Variants in HEATR4 observed in about 807,000 individuals in gnomAD.
The protein encoded by HEATR4 is HEAT repeat-containing protein 4.
In HEATR4, 95 loss-of-function variants were observed where a neutral mutation model predicts 108.8. The observed-to-expected ratio is 0.87, with a 90% confidence interval of 0.74 to 1.04. The LOEUF (loss-of-function observed/expected upper bound fraction) is 1.04, where lower values mean the gene tolerates loss of function less well. Ranked by LOEUF, HEATR4 falls within the 50% of genes least tolerant of loss-of-function variation. HEATR4 has a pLI of 0.00. For synonymous variants in HEATR4, 443 were observed against 459.4 expected (o/e 0.96, Z 0.46); for missense variants, 1,152 against 1,253.8 (o/e 0.92, Z 1.23).
the HEATR4 span, among the ~76,000 whole-genome samples, chr14:73,621,194 CAA>C: frequency 9.3e-5 from 14 of 150,918 alleles, no homozygotes; most frequent in African/African-American, 3.4e-4. Context: ...GCCTGGGCAA[CAA>C]GAGCAAAACT....
chr14:73,578,481 G>C, the HEATR4 span, among the ~76,000 whole-genome samples: 1 of 151,916 alleles, frequency 6.6e-6, no homozygotes, highest in African/African-American at 2.4e-5. Context: ...TGTCCATCTT[G>C]GCGTACCACA....
At chr14:73,605,874 G>T in the HEATR4 span, among the ~76,000 whole-genome samples, 1 of 151,872 alleles carries the variant, frequency 6.6e-6, no homozygotes, top group East Asian at 1.9e-4. Context: ...CCTGGCTGGG[G>T]GCTACAAGAT....
At chr14:73,568,318 C>A in the HEATR4 span, among the ~76,000 whole-genome samples, 1 of 150,396 alleles carries the variant, frequency 6.6e-6, no homozygotes, top group African/African-American at 2.4e-5. Context: ...AAATCAGGTA[C>A]AAGGGCTTGG....
At position 73,514,030 on chromosome 14, in the gene HEATR4, C is replaced by T; in HGVS notation, c.1414+1G>A. The T allele has an allele frequency of 3.7e-6, 6 of 1,614,132 alleles. No homozygotes were observed. The highest frequency in any genetic ancestry group is 5.1e-6 in the Non-Finnish European group (6 of 1,179,966). Reference sequence around the variant, plus strand: ...GTATCACAGGACCTCCCTTCACTCACTCAGAGCCCAGGCAGTCTTCCATTC... The same window carrying T: ...GTATCACAGGACCTCCCTTCACTCATTCAGAGCCCAGGCAGTCTTCCATTC... On this transcript the variant is annotated splice_donor_variant, in intron 6 of 17. Coordinates refer to ENST00000553558, the MANE Select transcript of HEATR4 (RefSeq NM_001220484.1). LOFTEE classifies it high-confidence loss of function.
upstream of HEATR4, among the ~76,000 whole-genome samples, chr14:73,562,160 G>A (rs1238199995): frequency 1.3e-5 from 2 of 152,030 alleles, no homozygotes; most frequent in African/African-American, 4.8e-5. Context: ...GCTGGTGGCA[G>A]TGGGGAATAA....
At chr14:73,557,068 C>T (rs1245754387) in intron 1 of HEATR4, among the ~76,000 whole-genome samples, 7 of 113,592 alleles carry the variant, frequency 6.2e-5, no homozygotes, top group South Asian at 2.8e-4. Flanking sequence ...GTGGCAGGTC[C>T]GGGGTCCTTT....
chr14:73,499,248 A>G, intron 12 of HEATR4, 108 bp from the exon 13 acceptor site: 2 of 900,242 alleles, frequency 2.2e-6, no homozygotes, highest in Non-Finnish European at 1.9e-6. Flanking sequence ...TGGGATGCCA[A>G]GGTGGGCGGA....
intron 4 of HEATR4, 30 bp from the exon 5 acceptor site, chr14:73,519,193 C>G: frequency 6.3e-7 from 1 of 1,588,220 alleles, no homozygotes; most frequent in Non-Finnish European, 8.6e-7. Context: ...CAATGAGTCC[C>G]CTATAACCTC....
chr14:73,523,685 A>G lies in HEATR4; in HGVS notation c.-72-461T>C, dbSNP rs1396311445. 4.6e-5 allele frequency among the ~76,000 whole-genome samples: 7 copies of G among 152,062 alleles called. No individual in the cohort carries two copies. In the South Asian group the frequency reaches 1.2e-3, roughly 27 times the overall value. On this transcript the variant is annotated intron_variant, in intron 2 of 17. Transcript: ENST00000553558. Reference sequence around the variant, plus strand: ...TGAGTATCCTCTCTCCACATAATGAAGCTTCCTTCTGTGTCCTCTACATGA... The same window carrying G: ...TGAGTATCCTCTCTCCACATAATGAGGCTTCCTTCTGTGTCCTCTACATGA...
chr14:73,523,861 T>G lies in HEATR4; in HGVS notation c.-72-637A>C, dbSNP rs1263395729. The stretch of plus-strand genomic sequence containing the variant: ...TGGTCTGTACCACTTACTTTAACTG[T>G]TAATCCTATGATACCTCGCATTGTT... On this transcript the variant is annotated intron_variant, in intron 2 of 17. Transcript: ENST00000553558. 3.9e-5 allele frequency among the ~76,000 whole-genome samples: 6 copies of G among 152,346 alleles called. No individual in the cohort carries two copies. In the East Asian group the frequency reaches 1.2e-3, roughly 29 times the overall value.
At chr14:73,584,817 G>C in the HEATR4 span, among the ~76,000 whole-genome samples, 261 of 149,038 alleles carry the variant, frequency 1.8e-3, 7 homozygotes, top group East Asian at 0.047. Context: ...ACAATCCCCT[G>C]TGCCGACACA....
Position 73,492,079 on chromosome 14 carries a change from G to A in HEATR4, c.2844+987C>T, listed in dbSNP as rs1885802047. The A allele has an allele frequency of 6.2e-7, 1 of 1,613,964 alleles. No individual in the cohort carries two copies. On this transcript the variant is annotated intron_variant, in intron 17 of 17. Transcript: ENST00000553558. The surrounding 1 kb of genome is among the most constrained non-coding windows in gnomAD (Gnocchi z 4.9). ...CCTTCGTGCTGCAGCTGGAAGGTAG[G>A]AAACTCTGGCGTGTATACCGACCCC...
At chr14:73,496,096 CT>C (rs1377271198) in intron 15 of HEATR4, among the ~76,000 whole-genome samples, 1 of 152,066 alleles carries the variant, frequency 6.6e-6, no homozygotes, top group Non-Finnish European at 1.5e-5. Context: ...CACCACTGCA[CT>C]CCAGCCTGGG....
At chr14:73,562,798 A>G (rs1889548856), upstream of HEATR4, among the ~76,000 whole-genome samples, 1 of 152,000 alleles carries the variant, frequency 6.6e-6, no homozygotes, top group Non-Finnish European at 1.5e-5. Flanking sequence ...ATTTGTGGTC[A>G]GACTGGTTCT....
At chr14:73,520,776 T>C in intron 4 of HEATR4, 76 bp downstream of exon 4, 1 of 1,385,830 alleles carries the variant, frequency 7.2e-7, no homozygotes, top group Admixed American at 1.9e-5. Context: ...CACAACTGTT[T>C]CCAGCCCCCA....
chr14:73,492,993 T>G lies in HEATR4; in HGVS notation c.2844+73A>C. On this transcript the variant is annotated intron_variant, in intron 17 of 17. Transcript: ENST00000553558. The surrounding 1 kb of genome is among the most constrained non-coding windows in gnomAD (Gnocchi z 4.9). ...GGCAGTAGTGATTCTCCGCTGCCAC[T>G]GCTACCTTTTTTTTTTTTTTTTCCT... The G allele has an allele frequency of 1.3e-6, 2 of 1,553,630 alleles. No individual in the cohort carries two copies. Among genetic ancestry groups the G allele is most frequent in the Non-Finnish European group, 1.7e-6 (2 of 1,162,436 alleles).
chr14:73,495,922 G>A (rs986989549), intron 15 of HEATR4, among the ~76,000 whole-genome samples: 3 of 152,168 alleles, frequency 2.0e-5, no homozygotes, highest in African/African-American at 7.2e-5. Flanking sequence ...GAGGCCAGGA[G>A]TTCAAGACCA....
the HEATR4 span, among the ~76,000 whole-genome samples, chr14:73,603,934 A>G: frequency 6.6e-6 from 1 of 152,050 alleles, no homozygotes; most frequent in Non-Finnish European, 1.5e-5. Context: ...GGGTTTCACC[A>G]TTTTGGCCAG....
At chr14:73,600,952 C>G in the HEATR4 span, among the ~76,000 whole-genome samples, 2 of 151,646 alleles carry the variant, frequency 1.3e-5, no homozygotes, top group African/African-American at 4.8e-5. Flanking sequence ...ACCAGCCCGG[C>G]CAACATGGCG....
Sources: allele counts gnomAD v4.1 joint callset (sites outside exome capture counted in the v4.1 genomes callset), GRCh38; gene constraint gnomAD v4.1.1; non-coding constraint Gnocchi (gnomAD v3.1); transcripts MANE v1.5; gene names NCBI Gene and HGNC (gene_info 2026-07-23, HGNC 2026-07-21).